The following CDH4 variants were observed in gnomAD, a reference collection of about 807,000 sequenced individuals.
CDH4 encodes the protein cadherin 4, also known as cadherin-4.
Under a neutral mutation model 86.0 loss-of-function variants are expected in CDH4, and 33 were observed. The observed-to-expected ratio is 0.38, with a 90% CI of 0.29 to 0.51. The LOEUF (loss-of-function observed/expected upper bound fraction) is 0.51, where lower values mean the gene tolerates loss of function less well. CDH4 is among the 20% of genes least tolerant of loss of function. The probability of loss-of-function intolerance (pLI) is 0.86; values close to 1 mark genes in which losing one functional copy is unlikely to be tolerated. For missense variants in CDH4, 1,114 were observed against 1,307.4 expected, an observed-to-expected ratio of 0.85 and a Z score of 2.28; for synonymous variants, 555 against 549.4, an observed-to-expected ratio of 1.01 and a Z score of -0.14.
chr20:61,460,484 C>T (rs1231368211), intron 2 of CDH4, among the ~76,000 whole-genome samples: 2 of 152,230 alleles, frequency 1.3e-5, no homozygotes, highest in Non-Finnish European at 2.9e-5. Context: ...GTAGGGGGCC[C>T]CAGAGCCCCC....
In CDH4 at chr20:61,937,025, C is replaced by T; in HGVS notation, c.*82C>T. 8.1e-7 allele frequency: 1 copy of T among 1,241,650 alleles called. No homozygotes were observed. Among genetic ancestry groups the T allele is most frequent in the Non-Finnish European group, 1.1e-6 (1 of 906,694 alleles). The allele number at this position is 1,241,650 out of a possible 1,614,324, so 76.9% of individuals were successfully genotyped here. On this transcript the variant is annotated 3_prime_UTR_variant, in exon 16 of 16. Transcript: ENST00000614565. ...GACTGAGCAGAGGCGGCCGGTCTTCCCGACTCCCTGCGGCTGTGTCCTTAG... is the reference window on the plus strand; with the variant it reads ...GACTGAGCAGAGGCGGCCGGTCTTCTCGACTCCCTGCGGCTGTGTCCTTAG...
chr20:61,291,880 G>A (rs1409089949), intron 2 of CDH4, among the ~76,000 whole-genome samples: 1 of 152,126 alleles, frequency 6.6e-6, no homozygotes, highest in Non-Finnish European at 1.5e-5. Flanking sequence ...TGTCTTTCCT[G>A]CTCCTCTCCC....
At chr20:61,904,683 A>G (rs1034158718) in intron 8 of CDH4, among the ~76,000 whole-genome samples, 4 of 152,106 alleles carry the variant, frequency 2.6e-5, no homozygotes, top group African/African-American at 9.7e-5. Context: ...CCCGTGACAC[A>G]GAGGGGACCA....
At chr20:61,907,797 T>C (rs2054807241) in intron 8 of CDH4, among the ~76,000 whole-genome samples, 1 of 152,154 alleles carries the variant, frequency 6.6e-6, no homozygotes. Context: ...ACACTAGACA[T>C]CGGGAGTGGT....
In CDH4 at chr20:61,367,185, G is replaced by A. The variant is rs191936383; in HGVS notation, c.169+112248G>A. Among the ~76,000 whole-genome samples, 6 of 152,326 alleles carry A rather than the reference G, an allele frequency of 3.9e-5. No individual in the cohort carries two copies. The East Asian group carries it at 7.8e-4, about 20-fold the overall frequency. On this transcript the variant is annotated intron_variant, in intron 2 of 15. Transcript: ENST00000614565. The stretch of plus-strand genomic sequence containing the variant: ...GAGCCGTCACTTCCCCCAGGCCAGG[G>A]TGGGACAGGGCTCCAGAGTGCCTCC...
chr20:61,480,452 G>A lies in CDH4; in HGVS notation c.169+225515G>A, dbSNP rs560290747. Among the ~76,000 whole-genome samples the A allele has an allele frequency of 3.3e-5, 5 of 152,314 alleles. No homozygotes were observed. Among genetic ancestry groups the A allele is most frequent in the South Asian group, 2.1e-4 (1 of 4,830 alleles). On this transcript the variant is annotated intron_variant, in intron 2 of 15. Coordinates refer to ENST00000614565, the MANE Select transcript of CDH4 (RefSeq NM_001794.5). This position sits in a 1 kb window ranked among gnomAD's most constrained non-coding sequence, Gnocchi z 5.2. ...TCTGGGAAGCCTCCTTTCCCTCTTC[G>A]TCCAGGTTTTATCAAAGTGCCCGAT... is the stretch of plus-strand genomic sequence containing the variant.
At chr20:61,485,075 G>T (rs73915070) in intron 2 of CDH4, among the ~76,000 whole-genome samples, 2 of 152,090 alleles carry the variant, frequency 1.3e-5, no homozygotes, top group Non-Finnish European at 2.9e-5. Flanking sequence ...GCTTCATTTC[G>T]TGAAATGAAT....
intron 2 of CDH4, among the ~76,000 whole-genome samples, chr20:61,331,838 GGACC>G (rs1456571550): frequency 6.6e-6 from 1 of 152,122 alleles, no homozygotes; most frequent in Non-Finnish European, 1.5e-5. Context: ...CTCTTCCCCT[GGACC>G]GCAAGCCCTT....
intron 1 of CDH4, among the ~76,000 whole-genome samples, chr20:61,254,055 C>A (rs1391823540): frequency 6.6e-6 from 1 of 152,260 alleles, no homozygotes; most frequent in Admixed American, 6.5e-5. Context: ...CCCCATCCTT[C>A]CCTGGCCCTG....
intron 4 of CDH4, among the ~76,000 whole-genome samples, chr20:61,809,341 A>G (rs1227199289): frequency 1.3e-5 from 2 of 152,154 alleles, no homozygotes; most frequent in Non-Finnish European, 2.9e-5. Flanking sequence ...TTGGGATTCA[A>G]ATTCATCTAT....
intron 4 of CDH4, among the ~76,000 whole-genome samples, chr20:61,797,941 C>T (rs1039701208): frequency 9.9e-5 from 15 of 152,206 alleles, no homozygotes; most frequent in African/African-American, 2.7e-4. Flanking sequence ...GCGGGCCTCA[C>T]GGGGCCCTGT....
intron 2 of CDH4, among the ~76,000 whole-genome samples, chr20:61,420,615 C>T (rs549322576): frequency 1.3e-5 from 2 of 152,368 alleles, no homozygotes; most frequent in East Asian, 3.9e-4. Flanking sequence ...CAAGACCTAA[C>T]AGAAACCCAT....
intron 2 of CDH4, among the ~76,000 whole-genome samples, chr20:61,514,471 T>C (rs2085804091): frequency 6.6e-6 from 1 of 152,170 alleles, no homozygotes; most frequent in Non-Finnish European, 1.5e-5. Flanking sequence ...CTAACTTCCT[T>C]GGGGGGCTCT....
rs114475875 is a variant in CDH4, at chr20:61,270,826, C to T, written c.169+15889C>T. The stretch of plus-strand genomic sequence containing the variant: ...TCATGGTTGAGTGATGGCACCTTTG[C>T]GGGGAGGTCGAGGCAGCTCTGGAGT... On this transcript the variant is annotated intron_variant, in intron 2 of 15. Coordinates refer to ENST00000614565, the MANE Select transcript of CDH4 (RefSeq NM_001794.5). Among the ~76,000 whole-genome samples, 593 of 152,090 alleles carry T rather than the reference C, an allele frequency of 3.9e-3. 4 individuals are homozygous for T. Among genetic ancestry groups the T allele is most frequent in the African/African-American group, 0.014 (565 of 41,470 alleles).
chr20:61,722,641 C>T (rs6061767), intron 2 of CDH4, among the ~76,000 whole-genome samples: 1 of 151,158 alleles, frequency 6.6e-6, no homozygotes, highest in African/African-American at 2.4e-5. Context: ...CCCCACCCCC[C>T]ACGCATGCAC....
intron 4 of CDH4, among the ~76,000 whole-genome samples, chr20:61,827,522 A>G (rs925018249): frequency 6.6e-5 from 10 of 152,248 alleles, no homozygotes; most frequent in Non-Finnish European, 8.8e-5. Context: ...ACTACCTTGT[A>G]GTCCTCAATT....
intron 4 of CDH4, among the ~76,000 whole-genome samples, chr20:61,786,255 G>T (rs1377942861): frequency 6.6e-6 from 1 of 152,122 alleles, no homozygotes; most frequent in African/African-American, 2.4e-5. Context: ...CTGGCCCCAG[G>T]CAGGAGGGGC....
intron 2 of CDH4, among the ~76,000 whole-genome samples, chr20:61,363,021 A>G (rs543299628): frequency 1.3e-5 from 2 of 151,890 alleles, no homozygotes; most frequent in Admixed American, 6.5e-5. Flanking sequence ...GTGGCTCTGG[A>G]CTCTGGGGTT....
intron 2 of CDH4, among the ~76,000 whole-genome samples, chr20:61,426,150 G>A (rs1325089836): frequency 6.6e-6 from 1 of 152,196 alleles, no homozygotes; most frequent in Non-Finnish European, 1.5e-5. Flanking sequence ...GGCCAGAAGA[G>A]TATGTGATGT....
Sources: gnomAD v4.1 joint callset for allele counts (sites outside exome capture counted in the v4.1 genomes callset) on GRCh38, gnomAD v4.1.1 for gene constraint, Gnocchi (gnomAD v3.1) non-coding constraint, MANE v1.5 for transcripts, NCBI Gene and HGNC (gene_info 2026-07-23, HGNC 2026-07-21) for gene names.